The following FRMPD4 variants were observed in gnomAD, a reference collection of about 807,000 sequenced individuals.
FRMPD4 encodes the protein FERM and PDZ domain-containing protein 4.
FRMPD4 carries 22 observed loss-of-function variants against 94.1 expected under a neutral mutation model. The ratio of observed to expected loss-of-function variants is 0.23; its 90% CI spans 0.17 to 0.33. FRMPD4 has a LOEUF of 0.33. Among genes scored for constraint, FRMPD4 ranks in the 10% least tolerant of loss-of-function variants. FRMPD4 has a pLI of 1.00. For synonymous variants in FRMPD4, 631 were observed against 548.6 expected (o/e 1.15, Z -2.10); for missense variants, 1,111 against 1,339.9 (o/e 0.83, Z 2.67).
intron 3 of FRMPD4, among the ~76,000 whole-genome samples, chrX:12,027,127 A>G (rs2054665666): frequency 1.8e-5 from 2 of 112,344 alleles, no homozygotes; most frequent in Middle Eastern, 4.6e-3. Flanking sequence ...GTAACTTCTT[A>G]TATCACTTAG....
chrX:12,152,922 C>T (rs921915478), intron 1 of FRMPD4, among the ~76,000 whole-genome samples: 5 of 79,657 alleles, frequency 6.3e-5, no homozygotes, highest in African/African-American at 1.3e-4. Flanking sequence ...AAAGCTTATA[C>T]ATTTTTTTTT....
intron 3 of FRMPD4, among the ~76,000 whole-genome samples, chrX:12,083,887 AC>A (rs1310778843): frequency 9.0e-6 from 1 of 111,377 alleles, no homozygotes; most frequent in Non-Finnish European, 1.9e-5. Flanking sequence ...AAATGCCTGT[AC>A]CCCCATTGTA....
chrX:12,246,562 T>C (rs2147802644), intron 1 of FRMPD4, among the ~76,000 whole-genome samples: 1 of 112,088 alleles, frequency 8.9e-6, no homozygotes, highest in East Asian at 2.8e-4. Context: ...CTGAGATTAT[T>C]TTTAAGGATA....
At chrX:12,586,287 C>T (rs2058927829) in intron 2 of FRMPD4, among the ~76,000 whole-genome samples, 2 of 112,921 alleles carry the variant, frequency 1.8e-5, no homozygotes, top group Admixed American at 1.9e-4. Flanking sequence ...CCACCTGGTT[C>T]CAAGACAGTC....
chrX:12,199,102 C>T (rs773748170), intron 1 of FRMPD4, among the ~76,000 whole-genome samples: 18 of 111,265 alleles, frequency 1.6e-4, no homozygotes, highest in Non-Finnish European at 2.6e-4. Flanking sequence ...TGATTTTTCC[C>T]GTCAAATATC....
At chrX:12,132,484 A>G (rs1384910882) in intron 3 of FRMPD4, among the ~76,000 whole-genome samples, 1 of 111,835 alleles carries the variant, frequency 8.9e-6, no homozygotes, top group Non-Finnish European at 1.9e-5. Context: ...GATAACATTA[A>G]GCATCATAAA....
intron 1 of FRMPD4, among the ~76,000 whole-genome samples, chrX:12,262,660 A>G (rs2054209663): frequency 1.8e-5 from 2 of 111,699 alleles, no homozygotes; most frequent in Non-Finnish European, 3.8e-5. Flanking sequence ...ATCACTCTCA[A>G]TATTATTGTT....
chrX:12,716,019 C>CAAAA, intron 14 of FRMPD4, 50 bp from the exon 15 acceptor site: 1 of 449,310 alleles, frequency 2.2e-6, no homozygotes, highest in Non-Finnish European at 3.5e-6. Flanking sequence ...CCGCCCCACC[C>CAAAA]AAAACCAGAC....
chrX:12,359,488 A>G (rs189539463), intron 1 of FRMPD4, among the ~76,000 whole-genome samples: 2,201 of 104,347 alleles, frequency 0.021, 40 homozygotes, highest in Non-Finnish European at 0.034. Flanking sequence ...TTTTTTTTGA[A>G]ATGGAGTCTT....
chrX:12,286,437 A>G (rs894688872), intron 1 of FRMPD4, among the ~76,000 whole-genome samples: 11 of 111,953 alleles, frequency 9.8e-5, no homozygotes, highest in African/African-American at 3.6e-4. Context: ...CTCAGAAATG[A>G]GGCACTGAAT....
chrX:12,184,471 C>T (rs1336719945), intron 1 of FRMPD4, among the ~76,000 whole-genome samples: 2 of 111,909 alleles, frequency 1.8e-5, no homozygotes, highest in Non-Finnish European at 3.8e-5. Flanking sequence ...GCAATCTAAG[C>T]TACCACTAAG....
intron 3 of FRMPD4, among the ~76,000 whole-genome samples, chrX:12,077,215 A>G (rs1280004676): frequency 1.8e-5 from 2 of 112,245 alleles, no homozygotes; most frequent in Admixed American, 1.9e-4. Context: ...GTTTCCAGTT[A>G]TAAGCATTTT....
At chrX:12,237,251 A>ATT (rs60142669) in intron 1 of FRMPD4, among the ~76,000 whole-genome samples, 19,143 of 108,575 alleles carry the variant, frequency 0.18, 1,664 homozygotes, top group East Asian at 0.52. Flanking sequence ...AAGTACAGAA[A>ATT]TTTTTTTTTT....
chrX:12,497,765 T>C lies in FRMPD4; in HGVS notation c.42-915T>C, dbSNP rs147604798. Among the ~76,000 whole-genome samples the C allele has an allele frequency of 8.0e-3, 883 of 110,880 alleles. 12 individuals are homozygous for C. Among genetic ancestry groups the C allele is most frequent in the African/African-American group, 0.027 (820 of 30,526 alleles). On this transcript the variant is annotated intron_variant, in intron 1 of 16. Transcript: ENST00000675598. ...TCATCTGCAGAAAACATGCAGGAAA[T>C]GGGCTTGTTTCACTTGAGAGGTGTT...
intron 2 of FRMPD4, among the ~76,000 whole-genome samples, chrX:12,591,930 T>C (rs2058986415): frequency 1.8e-5 from 2 of 111,574 alleles, no homozygotes; most frequent in African/African-American, 6.5e-5. Flanking sequence ...TCTGACTTTA[T>C]CCTGCCCTTC....
At chrX:12,397,182 A>G (rs180825080) in intron 1 of FRMPD4, among the ~76,000 whole-genome samples, 3 of 110,358 alleles carry the variant, frequency 2.7e-5, no homozygotes, top group Non-Finnish European at 3.8e-5. Context: ...GTATACCATG[A>G]CCCCCAGACT....
At chrX:12,540,382 G>A (rs941250537) in intron 2 of FRMPD4, among the ~76,000 whole-genome samples, 6 of 111,712 alleles carry the variant, frequency 5.4e-5, no homozygotes, top group African/African-American at 2.0e-4. Context: ...TCAAAATAAA[G>A]GGATGGAGGA....
At chrX:12,452,031 G>C (rs987463023) in intron 1 of FRMPD4, among the ~76,000 whole-genome samples, 4 of 110,127 alleles carry the variant, frequency 3.6e-5, no homozygotes, top group African/African-American at 1.3e-4. Context: ...TATCTCAGTA[G>C]AATATTATCT....
intron 3 of FRMPD4, among the ~76,000 whole-genome samples, chrX:11,946,853 G>A (rs892985966): frequency 5.2e-4 from 58 of 111,622 alleles, no homozygotes; most frequent in African/African-American, 1.9e-3. Flanking sequence ...TTCAGACTAT[G>A]ACTGGAATTT....
Sources: allele counts gnomAD v4.1 joint callset (sites outside exome capture counted in the v4.1 genomes callset), GRCh38; gene constraint gnomAD v4.1.1; transcripts MANE v1.5; gene names NCBI Gene and HGNC (gene_info 2026-07-23, HGNC 2026-07-21).